KCNQ5: variants seen among roughly 807,000 people sequenced by gnomAD.
KCNQ5 encodes potassium voltage-gated channel subfamily KQT member 5.
Under a neutral mutation model 98.2 loss-of-function variants are expected in KCNQ5, and 30 were observed. That is an observed-to-expected ratio of 0.31 (90% confidence interval 0.23 to 0.41). The LOEUF (loss-of-function observed/expected upper bound fraction) is 0.41, where lower values mean the gene tolerates loss of function less well. KCNQ5 is among the 10% of genes least tolerant of loss of function. The pLI, the probability that KCNQ5 is intolerant of heterozygous loss-of-function variation, is 1.00. For missense variants in KCNQ5, 835 were observed against 1,182.5 expected, an observed-to-expected ratio of 0.71 and a Z score of 4.31; for synonymous variants, 458 against 449.4, an observed-to-expected ratio of 1.02 and a Z score of -0.24.
At chr6:72,716,131 A>G (rs965668034) in intron 1 of KCNQ5, among the ~76,000 whole-genome samples, 14 of 152,318 alleles carry the variant, frequency 9.2e-5, no homozygotes, top group African/African-American at 3.1e-4. Flanking sequence ...TATGTTGTTT[A>G]TCATAAGGAA....
rs955043965 is a variant in KCNQ5 at position 73,173,578 on chromosome 6, T to C, written c.1577+3724T>C. ...AGACTATTACTTTTCATGCTAGTACTTGGCTTTGTAGTCATTACATATATA... is the reference window on the plus strand; with the variant it reads ...AGACTATTACTTTTCATGCTAGTACCTGGCTTTGTAGTCATTACATATATA... On this transcript the variant is annotated intron_variant, in intron 11 of 13. Coordinates refer to ENST00000370398, the MANE Select transcript of KCNQ5 (RefSeq NM_019842.4). 2.6e-5 allele frequency among the ~76,000 whole-genome samples: 4 copies of C among 152,348 alleles called. No individual in the cohort carries two copies. The East Asian group carries it at 7.7e-4, about 29-fold the overall frequency.
chr6:72,794,135 T>C (rs540811557), intron 1 of KCNQ5, among the ~76,000 whole-genome samples: 48 of 152,344 alleles, frequency 3.2e-4, no homozygotes, highest in South Asian at 1.0e-3. Flanking sequence ...TGCATATGAA[T>C]GTCAGTGCAC....
chr6:72,837,768 T>A (rs543503369), intron 1 of KCNQ5, among the ~76,000 whole-genome samples: 2 of 151,840 alleles, frequency 1.3e-5, no homozygotes. Flanking sequence ...AACATATATA[T>A]GTTTAAACAT....
intron 1 of KCNQ5, among the ~76,000 whole-genome samples, chr6:72,712,477 A>G (rs1769419898): frequency 6.6e-6 from 1 of 152,192 alleles, no homozygotes. Context: ...ACTGTTGTCA[A>G]TCTTTGAATC....
At chr6:72,930,777 C>T (rs954342008) in intron 1 of KCNQ5, among the ~76,000 whole-genome samples, 6 of 152,078 alleles carry the variant, frequency 3.9e-5, no homozygotes, top group African/African-American at 1.4e-4. Flanking sequence ...AACAAATGTT[C>T]GCACCAGCTG....
chr6:73,004,188 A>C (rs1769718887), intron 2 of KCNQ5, among the ~76,000 whole-genome samples, 190 bp downstream of exon 2: 1 of 152,230 alleles, frequency 6.6e-6, no homozygotes, highest in Non-Finnish European at 1.5e-5. Flanking sequence ...AAATATATAG[A>C]AATGTTCAGG....
chr6:73,027,369 C>T (rs997509563), intron 2 of KCNQ5, among the ~76,000 whole-genome samples: 1 of 152,098 alleles, frequency 6.6e-6, no homozygotes, highest in African/African-American at 2.4e-5. Flanking sequence ...CAGACCGACA[C>T]GTATTTGCAT....
At chr6:72,854,620 G>A (rs956925996) in intron 1 of KCNQ5, among the ~76,000 whole-genome samples, 3 of 151,294 alleles carry the variant, frequency 2.0e-5, no homozygotes, top group Admixed American at 6.6e-5. Flanking sequence ...GTCCTTTGAG[G>A]CATTGTGCTT....
At chr6:72,849,921 C>T (rs927008777) in intron 1 of KCNQ5, among the ~76,000 whole-genome samples, 3 of 152,074 alleles carry the variant, frequency 2.0e-5, no homozygotes, top group African/African-American at 7.2e-5. Flanking sequence ...ATACACACCC[C>T]AAAATAAATC....
intron 1 of KCNQ5, among the ~76,000 whole-genome samples, chr6:72,793,816 T>C (rs571896788): frequency 4.6e-5 from 7 of 152,346 alleles, no homozygotes; most frequent in African/African-American, 1.7e-4. Context: ...TCAGGCCCTG[T>C]GCCCAGCCTT....
At chr6:73,097,142 C>CATATATATATATATATATACATAT in intron 5 of KCNQ5, among the ~76,000 whole-genome samples, 1 of 121,902 alleles carries the variant, frequency 8.2e-6, no homozygotes, top group African/African-American at 2.7e-5. Context: ...CAATAGATCT[C>CATATATATATATATATATACATAT]ATATATATAT....
intron 3 of KCNQ5, among the ~76,000 whole-genome samples, chr6:73,063,667 T>TGATTGATAGATAGATA (rs1772890917): frequency 1.2e-4 from 8 of 64,484 alleles, no homozygotes; most frequent in African/African-American, 3.3e-4. Flanking sequence ...GATAGATAGA[T>TGATTGATAGATAGATA]GATAGATAGA....
chr6:73,130,024 C>A (rs60813738), intron 9 of KCNQ5, among the ~76,000 whole-genome samples: 4,069 of 152,306 alleles, frequency 0.027, 89 homozygotes, highest in East Asian at 0.1. Context: ...CTGTTGCCTG[C>A]TTTGATACTC....
chr6:72,893,855 A>C (rs1440158534), intron 1 of KCNQ5, among the ~76,000 whole-genome samples: 1 of 152,154 alleles, frequency 6.6e-6, no homozygotes, highest in Non-Finnish European at 1.5e-5. Flanking sequence ...TGCTTATTGA[A>C]ACTATACCAG....
intron 1 of KCNQ5, among the ~76,000 whole-genome samples, chr6:72,701,704 G>A (rs1358664997): frequency 9.2e-5 from 14 of 151,766 alleles, no homozygotes; most frequent in Admixed American, 9.2e-4. Flanking sequence ...CACCAAGCCT[G>A]GCTAATTTAT....
chr6:72,873,366 T>C (rs1032341507), intron 1 of KCNQ5, among the ~76,000 whole-genome samples: 3 of 152,266 alleles, frequency 2.0e-5, no homozygotes, highest in Admixed American at 6.5e-5. Flanking sequence ...GCCAATATGG[T>C]GTGCCCTTCC....
intron 1 of KCNQ5, among the ~76,000 whole-genome samples, chr6:72,925,685 G>A (rs1211489392): frequency 6.6e-6 from 1 of 152,112 alleles, no homozygotes; most frequent in Non-Finnish European, 1.5e-5. Context: ...AAAACAAAGT[G>A]GGCTTGTTGA....
Position 72,622,228 on chromosome 6 carries a change from C to T in KCNQ5, c.39C>T (p.Ala13=). 8.1e-7 allele frequency: 1 copy of T among 1,236,538 alleles called. No homozygotes were observed. Among genetic ancestry groups the T allele is most frequent in the Non-Finnish European group, 1.0e-6 (1 of 991,652 alleles). The allele number at this position is 1,236,538 out of a possible 1,614,324, so 76.6% of individuals were successfully genotyped here. The change falls in exon 1 of 14, where the codon GCC becomes GCT. Residue 13 remains alanine (A), a synonymous_variant. Transcript: ENST00000370398. This position sits in a 1 kb window ranked among gnomAD's most constrained non-coding sequence, Gnocchi z 6.0. The part of the protein sequence containing the change: ...RHHAGGEEGG[A]AGLWVKSGAA... ...ACGCGGGAGGAGAGGAGGGCGGCGCCGCCGGGCTCTGGGTGAAGAGCGGCG... is the reference window on the plus strand; with the variant it reads ...ACGCGGGAGGAGAGGAGGGCGGCGCTGCCGGGCTCTGGGTGAAGAGCGGCG...
intron 5 of KCNQ5, among the ~76,000 whole-genome samples, chr6:73,084,469 A>C (rs4708020): frequency 0.99 from 151,274 of 152,278 alleles, 75,147 homozygotes; most frequent in Middle Eastern, 1. Flanking sequence ...TGATAATAGC[A>C]ACCTGCCCTT....
Sources: allele counts gnomAD v4.1 joint callset (sites outside exome capture counted in the v4.1 genomes callset), GRCh38; gene constraint gnomAD v4.1.1; non-coding constraint Gnocchi (gnomAD v3.1); transcripts MANE v1.5; gene names NCBI Gene and HGNC (gene_info 2026-07-23, HGNC 2026-07-21).